Variants in CNTNAP3B observed in about 807,000 individuals in gnomAD.
The protein encoded by CNTNAP3B is contactin associated protein family member 3B.
Under a neutral mutation model 108.9 loss-of-function variants are expected in CNTNAP3B, and 25 were observed. The ratio of observed to expected loss-of-function variants is 0.23; its 90% confidence interval spans 0.17 to 0.32. The LOEUF (loss-of-function observed/expected upper bound fraction) is 0.32. Ranked by LOEUF, CNTNAP3B falls within the 10% of genes least tolerant of loss-of-function variation. The pLI is 1.00. For missense variants in CNTNAP3B, 252 were observed against 1,210.4 expected, an observed-to-expected ratio of 0.21 and a Z score of 11.75; for synonymous variants, 103 against 473.4, an observed-to-expected ratio of 0.22 and a Z score of 10.16.
chr9:42,103,418 T>TTA, intron 2 of CNTNAP3B, among the ~76,000 whole-genome samples: 1 of 47,720 alleles, frequency 2.1e-5, no homozygotes, highest in Non-Finnish European at 3.7e-5. Flanking sequence ...AACAGGGAGT[T>TTA]AAAAAAAAAA....
At chr9:41,956,375 G>T (rs183600240) in intron 12 of CNTNAP3B, among the ~76,000 whole-genome samples, 1 of 152,130 alleles carries the variant, frequency 6.6e-6, no homozygotes, top group Non-Finnish European at 1.5e-5. Context: ...GACAGAGCAA[G>T]CCTCTGTCTC....
At chr9:42,017,339 G>A (rs1191099469) in intron 3 of CNTNAP3B, among the ~76,000 whole-genome samples, 2 of 126,486 alleles carry the variant, frequency 1.6e-5, no homozygotes, top group Non-Finnish European at 3.3e-5. Flanking sequence ...ACAGCCATAA[G>A]CAGAAAAAAA....
intron 14 of CNTNAP3B, among the ~76,000 whole-genome samples, 162 bp from the exon 15 acceptor site, chr9:41,929,606 C>G (rs1338018536): frequency 7.2e-6 from 1 of 139,026 alleles, no homozygotes; most frequent in Non-Finnish European, 1.5e-5. Flanking sequence ...GAATCTAAAT[C>G]AGGGATGGGC....
chr9:42,028,927 A>AT (rs1211189397), intron 3 of CNTNAP3B, among the ~76,000 whole-genome samples: 5 of 151,892 alleles, frequency 3.3e-5, no homozygotes, highest in Non-Finnish European at 4.4e-5. Context: ...ATAAATTAAA[A>AT]TTTTTTTGGC....
chr9:41,977,195 T>C (rs1328096334), intron 9 of CNTNAP3B, among the ~76,000 whole-genome samples: 3 of 150,490 alleles, frequency 2.0e-5, no homozygotes, highest in South Asian at 2.1e-4. Flanking sequence ...TTTATGGAAA[T>C]GGGCTCTTGA....
chr9:41,937,148 G>A (rs1190436948), intron 14 of CNTNAP3B, among the ~76,000 whole-genome samples: 1 of 75,514 alleles, frequency 1.3e-5, no homozygotes, highest in African/African-American at 5.0e-5. Flanking sequence ...ATTATTTTGA[G>A]GTGGAGTCTT....
At chr9:41,965,107 G>T (rs1391519120) in intron 10 of CNTNAP3B, among the ~76,000 whole-genome samples, 2 of 152,284 alleles carry the variant, frequency 1.3e-5, no homozygotes, top group South Asian at 2.1e-4. Flanking sequence ...TTTAATTTAG[G>T]TCATCTTGTC....
At position 42,108,657 on chromosome 9, in the gene CNTNAP3B, C is replaced by G. The variant is rs551649429; in HGVS notation, c.86-3918G>C. On this transcript the variant is annotated intron_variant, in intron 1 of 23. Coordinates refer to ENST00000377561, the MANE Select transcript of CNTNAP3B (RefSeq NM_001201380.3). ...CTCAAGTGACAACTTTGAAGATGCA[C>G]GCTAGACCAGAGGGTTTTTGGCTTG... Among the ~76,000 whole-genome samples, 8 of 128,072 alleles carry G rather than the reference C, an allele frequency of 6.2e-5. 1 individual carries two copies. The highest frequency in any genetic ancestry group is 2.5e-4 in the African/African-American group (8 of 31,436). The allele number at this position is 128,072 out of a possible 152,430, so 84.0% of individuals were successfully genotyped here. A position where few individuals can be genotyped will look rare whatever the true frequency, so the allele number is the denominator to read the frequency against.
At chr9:41,986,076 C>T in intron 9 of CNTNAP3B, 92 bp downstream of exon 9, 4 of 758,660 alleles carry the variant, frequency 5.3e-6, no homozygotes, top group Non-Finnish European at 5.5e-6. Flanking sequence ...TTAGTATCAA[C>T]TTGGTTTAAA....
intron 9 of CNTNAP3B, among the ~76,000 whole-genome samples, chr9:41,977,758 T>G (rs1274601619): frequency 8.1e-6 from 1 of 123,176 alleles, no homozygotes; most frequent in Non-Finnish European, 1.7e-5. Flanking sequence ...AAGCTGGGAC[T>G]ACAGGCGCCC....
intron 10 of CNTNAP3B, among the ~76,000 whole-genome samples, chr9:41,967,728 C>T (rs1311913578): frequency 6.6e-6 from 1 of 152,282 alleles, no homozygotes; most frequent in Non-Finnish European, 1.5e-5. Context: ...AATTTTATTG[C>T]TTTATAAAAT....
intron 1 of CNTNAP3B, among the ~76,000 whole-genome samples, chr9:42,110,391 GA>G (rs1197592796): frequency 1.5e-5 from 2 of 137,224 alleles, no homozygotes; most frequent in East Asian, 4.4e-4. Flanking sequence ...AAGGAGAGGG[GA>G]AGGGGCCACC....
chr9:42,019,622 A>G (rs1826272362), intron 3 of CNTNAP3B, among the ~76,000 whole-genome samples: 6 of 148,972 alleles, frequency 4.0e-5, no homozygotes, highest in African/African-American at 1.3e-4. Flanking sequence ...TTACCCTAGC[A>G]TGGTGGCGTG....
intron 2 of CNTNAP3B, among the ~76,000 whole-genome samples, chr9:42,096,119 C>T (rs145878920): frequency 0.013 from 1,858 of 140,222 alleles, 308 homozygotes; most frequent in South Asian, 0.083. Flanking sequence ...GCGTCCAGTC[C>T]TGTCACTGAA....
Position 41,973,991 on chromosome 9 carries a change from C to T in CNTNAP3B, c.1478-3746G>A, listed in dbSNP as rs1825478055. On this transcript the variant is annotated intron_variant, in intron 9 of 23. Transcript: ENST00000377561. ...TACCCAGTAGCTGGGACTACAGGCT[C>T]CCGCCACCATGCCCAGCTAATCTTT... is the stretch of plus-strand genomic sequence containing the variant. Among the ~76,000 whole-genome samples the T allele has an allele frequency of 2.3e-5, 3 of 132,938 alleles. 1 individual carries two copies. The highest frequency in any genetic ancestry group is 6.1e-5 in the African/African-American group (2 of 32,646). The allele number at this position is 132,938 out of a possible 152,430, so 87.2% of individuals were successfully genotyped here.
At chr9:42,066,425 T>TC (rs1248784931) in intron 3 of CNTNAP3B, among the ~76,000 whole-genome samples, 1 of 26,216 alleles carries the variant, frequency 3.8e-5, no homozygotes, top group Non-Finnish European at 9.6e-5. Context: ...TGTTGAATCT[T>TC]TTTTTTTTTT....
chr9:41,925,275 A>C (rs1823782179), intron 15 of CNTNAP3B, among the ~76,000 whole-genome samples: 2 of 150,784 alleles, frequency 1.3e-5, no homozygotes, highest in African/African-American at 4.9e-5. Flanking sequence ...TTCCACATTA[A>C]TTGGTTGACA....
Position 42,127,216 on chromosome 9 carries a change from G to A in CNTNAP3B, c.85+1794C>T, listed in dbSNP as rs571978388. ...TTTTACGTGTCACTCAGCAACTCGC[G>A]AGAGTCCCGTCTGGTGCTGAGTCCG... On this transcript the variant is annotated intron_variant, in intron 1 of 23. Transcript: ENST00000377561. Among the ~76,000 whole-genome samples the A allele has an allele frequency of 2.2e-5, 3 of 138,592 alleles. 1 individual carries two copies. Among genetic ancestry groups the A allele is most frequent in the Non-Finnish European group, 4.6e-5 (3 of 64,834 alleles). 90.9% of individuals were successfully genotyped at this position (138,592 alleles called of 152,430 possible). A position where few individuals can be genotyped will look rare whatever the true frequency, so the allele number is the denominator to read the frequency against.
At position 42,096,316 on chromosome 9, in the gene CNTNAP3B, T is replaced by A. The variant is rs1475538489; in HGVS notation, c.196+8313A>T. Among the ~76,000 whole-genome samples the A allele has an allele frequency of 2.1e-5, 3 of 139,816 alleles. 1 individual carries two copies. The highest frequency in any genetic ancestry group is 4.6e-5 in the Non-Finnish European group (3 of 65,046). The allele number at this position is 139,816 out of a possible 152,430, so 91.7% of individuals were successfully genotyped here. A position where few individuals can be genotyped will look rare whatever the true frequency, so the allele number is the denominator to read the frequency against. On this transcript the variant is annotated intron_variant, in intron 2 of 23. Coordinates refer to ENST00000377561, the MANE Select transcript of CNTNAP3B (RefSeq NM_001201380.3). ...GCAGTCCCCACCTCTCTATGCATACTATCGTGCAGTCCTGCTGAGGGTTCC... is the reference window on the plus strand; with the variant it reads ...GCAGTCCCCACCTCTCTATGCATACAATCGTGCAGTCCTGCTGAGGGTTCC...
Sources: gnomAD v4.1 joint callset for allele counts (sites outside exome capture counted in the v4.1 genomes callset) on GRCh38, gnomAD v4.1.1 for gene constraint, MANE v1.5 for transcripts, NCBI Gene and HGNC (gene_info 2026-07-23, HGNC 2026-07-21) for gene names.